Variants in ANKRD42 observed in about 807,000 individuals in gnomAD.
ANKRD42 encodes ankyrin repeat domain 42.
In ANKRD42, 43 loss-of-function variants were observed where a neutral mutation model predicts 51.5. The ratio of observed to expected loss-of-function variants is 0.83; its 90% confidence interval spans 0.65 to 1.08. The LOEUF (loss-of-function observed/expected upper bound fraction) is 1.08, where lower values mean the gene tolerates loss of function less well. ANKRD42 is among the 50% of genes least tolerant of loss of function. ANKRD42 has a pLI of 0.00. For missense variants in ANKRD42, 608 were observed against 629.3 expected (o/e 0.97, Z 0.36); for synonymous variants, 203 against 213.0 (o/e 0.95, Z 0.41).
At chr11:83,198,118 C>T (rs1861729602) in intron 1 of ANKRD42, among the ~76,000 whole-genome samples, 1 of 152,200 alleles carries the variant, frequency 6.6e-6, no homozygotes, top group South Asian at 2.1e-4. Flanking sequence ...AAGTCATCAA[C>T]ATTACCATGT....
At chr11:83,231,453 T>A (rs1863070020) in intron 7 of ANKRD42, among the ~76,000 whole-genome samples, 1 of 152,154 alleles carries the variant, frequency 6.6e-6, no homozygotes, top group South Asian at 2.1e-4. Context: ...TGTATTTTGG[T>A]TATTAATCCT....
At chr11:83,238,415 G>T (rs193182818) in intron 8 of ANKRD42, among the ~76,000 whole-genome samples, 29 of 152,334 alleles carry the variant, frequency 1.9e-4, no homozygotes, top group Non-Finnish European at 3.1e-4. Flanking sequence ...ATTTCTAGGG[G>T]CTGGGTGCAG....
rs771414817 is a variant in ANKRD42, at chr11:83,206,087, T to C, written c.252T>C (p.Ala84=). 8.1e-6 allele frequency: 13 copies of C among 1,614,028 alleles called. No homozygotes were observed. The highest frequency in any genetic ancestry group is 1.1e-5 in the Non-Finnish European group (13 of 1,179,914). ...TTCATTGGCTGCTCTGGCATGGAGC[T>C]GATATCACACACGTAACAACGAGAG... ...ECLHWLLWHG[A]DITHVTTRGW... Residue 84 remains alanine (A), a synonymous_variant, in exon 3 of 11, where the codon GCT becomes GCC. Transcript: ENST00000533342.
chr11:83,256,033 T>G, exon 12 of ANKRD42: 2 of 824,538 alleles, frequency 2.4e-6, no homozygotes, highest in Non-Finnish European at 3.6e-6. Flanking sequence ...ATTACTCTGA[T>G]ATGCTTCTGT....
intron 1 of ANKRD42, among the ~76,000 whole-genome samples, chr11:83,196,396 A>AGTGTGTGT (rs1428938974): frequency 1.0e-3 from 134 of 133,162 alleles, no homozygotes; most frequent in African/African-American, 3.4e-3. Flanking sequence ...TGAGTGTGTG[A>AGTGTGTGT]GAGTGTGTGT....
intron 2 of ANKRD42, 145 bp downstream of exon 2, chr11:83,198,787 CT>C: frequency 1.5e-6 from 1 of 665,078 alleles, no homozygotes; most frequent in Non-Finnish European, 2.3e-6. Flanking sequence ...GGGTATTCCA[CT>C]TTGCTAGGGC....
chr11:83,259,280 A>G (rs1263607158), downstream of ANKRD42: 1 of 152,194 alleles, frequency 6.6e-6, no homozygotes, highest in Non-Finnish European at 1.5e-5. Context: ...TCTCATCCTT[A>G]TTTCATATAT....
chr11:83,228,231 CTTTTTTTTTT>C (rs11403803), intron 7 of ANKRD42, among the ~76,000 whole-genome samples: 1,088 of 58,972 alleles, frequency 0.018, 204 homozygotes, highest in African/African-American at 0.062. Flanking sequence ...CTCTCTCTCT[CTTTTTTTTTT>C]TTTTTTTTTT....
intron 5 of ANKRD42, among the ~76,000 whole-genome samples, chr11:83,223,324 G>T (rs765731714): frequency 6.6e-6 from 1 of 152,176 alleles, no homozygotes; most frequent in Non-Finnish European, 1.5e-5. Flanking sequence ...AGTGGCATGC[G>T]TAAGAAATAG....
chr11:83,255,962 A>C, exon 12 of ANKRD42: 1 of 1,474,414 alleles, frequency 6.8e-7, no homozygotes. Flanking sequence ...TTGACCTGCT[A>C]GATTTTTCTC....
chr11:83,233,112 A>G (rs915101690), intron 7 of ANKRD42, among the ~76,000 whole-genome samples: 10 of 151,172 alleles, frequency 6.6e-5, no homozygotes, highest in Admixed American at 1.3e-4. Context: ...ATTTGGAAGT[A>G]TTCCCTTCCC....
At chr11:83,204,047 A>C (rs943471069) in intron 2 of ANKRD42, among the ~76,000 whole-genome samples, 3 of 152,048 alleles carry the variant, frequency 2.0e-5, no homozygotes, top group Non-Finnish European at 4.4e-5. Flanking sequence ...GGTTCAAGTG[A>C]TTCTCCTGCC....
chr11:83,264,276 A>G (rs575646837), downstream of ANKRD42, among the ~76,000 whole-genome samples: 37 of 152,336 alleles, frequency 2.4e-4, 1 homozygote, highest in Middle Eastern at 3.4e-3. Flanking sequence ...GTCTGTGTGG[A>G]AAGAAATAGG....
At chr11:83,212,374 C>T (rs530947135) in intron 5 of ANKRD42, among the ~76,000 whole-genome samples, 1 of 152,280 alleles carries the variant, frequency 6.6e-6, no homozygotes, top group African/African-American at 2.4e-5. Flanking sequence ...AGCCACCATG[C>T]CTGGCCCAAC....
chr11:83,206,304 T>C (rs1425076231), intron 3 of ANKRD42, 139 bp downstream of exon 3: 2 of 659,566 alleles, frequency 3.0e-6, no homozygotes, highest in Non-Finnish European at 2.5e-6. Flanking sequence ...ACAACTCAGA[T>C]ATTCTGATAC....
chr11:83,244,509 A>T (rs1436785426), intron 9 of ANKRD42, among the ~76,000 whole-genome samples: 9 of 152,172 alleles, frequency 5.9e-5, no homozygotes, highest in Non-Finnish European at 1.2e-4. Context: ...ATTTTGGGCC[A>T]GATAATTATT....
intron 4 of ANKRD42, 62 bp downstream of exon 4, chr11:83,210,481 G>C (rs1862272150): frequency 1.3e-6 from 2 of 1,570,730 alleles, no homozygotes; most frequent in Non-Finnish European, 1.7e-6. Flanking sequence ...GCATTTGGTA[G>C]TCTAGTTATC....
intron 3 of ANKRD42, among the ~76,000 whole-genome samples, chr11:83,206,779 A>C (rs1044108476): frequency 6.6e-6 from 1 of 152,248 alleles, no homozygotes; most frequent in African/African-American, 2.4e-5. Flanking sequence ...TTGTTATAGT[A>C]GTCCAAACAG....
At chr11:83,243,630 T>A (rs543126923) in intron 9 of ANKRD42, among the ~76,000 whole-genome samples, 1 of 152,328 alleles carries the variant, frequency 6.6e-6, no homozygotes, top group East Asian at 1.9e-4. Flanking sequence ...CCTTGAGAAT[T>A]GTCTGAGGAG....
Sources: gnomAD v4.1 joint callset for allele counts (sites outside exome capture counted in the v4.1 genomes callset) on GRCh38, gnomAD v4.1.1 for gene constraint, MANE v1.5 for transcripts, NCBI Gene and HGNC (gene_info 2026-07-23, HGNC 2026-07-21) for gene names.